Variants in UBE4B observed in about 807,000 individuals in gnomAD.
UBE4B encodes the protein ubiquitin conjugation factor E4 B.
Under a neutral mutation model 148.1 loss-of-function variants are expected in UBE4B, and 27 were observed. The observed-to-expected ratio is 0.18, with a 90% CI of 0.13 to 0.25. The LOEUF (loss-of-function observed/expected upper bound fraction) is 0.25. Among genes scored for constraint, UBE4B ranks in the 10% least tolerant of loss-of-function variants. The pLI, the probability that UBE4B is intolerant of heterozygous loss-of-function variation, is 1.00. For missense variants in UBE4B, 1,170 were observed against 1,662.4 expected, an observed-to-expected ratio of 0.70 and a Z score of 5.15; for synonymous variants, 596 against 619.3, an observed-to-expected ratio of 0.96 and a Z score of 0.56.
chr1:10,172,376 A>G (rs72864129), intron 25 of UBE4B, among the ~76,000 whole-genome samples: 10,316 of 152,258 alleles, frequency 0.068, 596 homozygotes, highest in African/African-American at 0.16. Flanking sequence ...CCTTTGAGGT[A>G]GGTTCTGTAA....
intron 5 of UBE4B, among the ~76,000 whole-genome samples, chr1:10,103,396 CCTCTTTATTTA>C (rs1454569552): frequency 7.0e-6 from 1 of 141,846 alleles, no homozygotes; most frequent in African/African-American, 2.6e-5. Flanking sequence ...AGCATTACCT[CCTCTTTATTTA>C]TTTATTTATT....
chr1:10,119,740 C>A, intron 9 of UBE4B, 127 bp downstream of exon 9: 1 of 697,000 alleles, frequency 1.4e-6, no homozygotes, highest in South Asian at 1.8e-5. Flanking sequence ...AAATGAAGGT[C>A]CCTTTCCTTC....
chr1:10,175,630 G>C (rs112515234), intron 25 of UBE4B, among the ~76,000 whole-genome samples: 9 of 151,884 alleles, frequency 5.9e-5, no homozygotes, highest in Non-Finnish European at 8.8e-5. Flanking sequence ...CAGCCTGGGC[G>C]ACAGAGCGAG....
intron 18 of UBE4B, 54 bp from the exon 19 acceptor site, chr1:10,146,909 G>C: frequency 6.3e-7 from 1 of 1,599,282 alleles, no homozygotes; most frequent in Non-Finnish European, 8.6e-7. Context: ...CAGTCCCCCT[G>C]TAGGGACTTA....
intron 11 of UBE4B, 29 bp from the exon 12 acceptor site, chr1:10,129,363 C>T: frequency 6.3e-7 from 1 of 1,592,786 alleles, no homozygotes; most frequent in Non-Finnish European, 8.6e-7. Context: ...AGATGAAATG[C>T]ATTTAAATGA....
intron 1 of UBE4B, among the ~76,000 whole-genome samples, chr1:10,061,275 T>C (rs780088491): frequency 6.6e-6 from 1 of 152,108 alleles, no homozygotes; most frequent in Admixed American, 6.6e-5. Context: ...TGTTTTTTTG[T>C]GAGACAGAGT....
chr1:10,136,124 T>C lies in UBE4B; in HGVS notation c.2224+938T>C, dbSNP rs1476282929. 2.6e-5 allele frequency among the ~76,000 whole-genome samples: 4 copies of C among 152,196 alleles called. No homozygotes were observed. The East Asian group carries it at 5.8e-4, about 22-fold the overall frequency. Reference sequence around the variant, plus strand: ...CCATTTCGAGATTTAAATATTTCTGTATTGTGTTGAAAAATGGAGATTTTA... The same window carrying C: ...CCATTTCGAGATTTAAATATTTCTGCATTGTGTTGAAAAATGGAGATTTTA... On this transcript the variant is annotated intron_variant, in intron 16 of 27. Coordinates refer to ENST00000343090, the MANE Select transcript of UBE4B (RefSeq NM_001105562.3).
chr1:10,049,684 T>C (rs1326986776), intron 1 of UBE4B, among the ~76,000 whole-genome samples: 1 of 152,096 alleles, frequency 6.6e-6, no homozygotes, highest in Admixed American at 6.6e-5. Flanking sequence ...GCAGATCACT[T>C]GAGTCCAGGA....
At chr1:10,095,649 A>C in intron 3 of UBE4B, 53 bp downstream of exon 3, 1 of 1,608,104 alleles carries the variant, frequency 6.2e-7, no homozygotes, top group Non-Finnish European at 8.5e-7. Flanking sequence ...AAAGAGAAAG[A>C]TCCATTCACT....
intron 7 of UBE4B, among the ~76,000 whole-genome samples, chr1:10,109,300 G>A (rs1042443425): frequency 1.1e-4 from 16 of 152,080 alleles, no homozygotes; most frequent in African/African-American, 3.6e-4. Context: ...CCACCGCACC[G>A]TGCTGCCACC....
intron 15 of UBE4B, among the ~76,000 whole-genome samples, chr1:10,133,236 A>T (rs1645625547): frequency 6.6e-6 from 1 of 152,178 alleles, no homozygotes; most frequent in Non-Finnish European, 1.5e-5. Context: ...TGTGATGTGT[A>T]TACTCAGAAG....
chr1:10,113,705 A>C (rs983386359), intron 7 of UBE4B, among the ~76,000 whole-genome samples: 10 of 152,282 alleles, frequency 6.6e-5, no homozygotes, highest in African/African-American at 2.2e-4. Context: ...GCACGCTCAC[A>C]TGCTGGCTGG....
chr1:10,099,177 G>A (rs951508386), intron 3 of UBE4B, among the ~76,000 whole-genome samples: 6 of 152,104 alleles, frequency 3.9e-5, no homozygotes, highest in African/African-American at 1.4e-4. Flanking sequence ...GGGAGGCAGG[G>A]GTTGCAGTGA....
intron 2 of UBE4B, among the ~76,000 whole-genome samples, chr1:10,087,234 A>G (rs915585165): frequency 3.2e-4 from 48 of 152,322 alleles, no homozygotes; most frequent in African/African-American, 1.1e-3. Flanking sequence ...ATTAAGTAAG[A>G]AGACTTAAGA....
chr1:10,178,954 T>A, intron 26 of UBE4B, 136 bp downstream of exon 26: 1 of 923,340 alleles, frequency 1.1e-6, no homozygotes, highest in African/African-American at 1.7e-5. Context: ...TGTCTTAAAT[T>A]ACATTTGCCT....
intron 2 of UBE4B, 117 bp downstream of exon 2, chr1:10,072,331 A>G: frequency 8.1e-7 from 1 of 1,240,080 alleles, no homozygotes; most frequent in African/African-American, 1.5e-5. Flanking sequence ...GCTCTTTAAA[A>G]TCCTCCAAGC....
At chr1:10,083,163 G>A (rs1489941650) in intron 2 of UBE4B, among the ~76,000 whole-genome samples, 10 of 152,152 alleles carry the variant, frequency 6.6e-5, no homozygotes, top group Admixed American at 6.6e-4. Flanking sequence ...TATATACCCA[G>A]TAATGAGATT....
At position 10,145,049 on chromosome 1, in the gene UBE4B, G is replaced by A; in HGVS notation, c.2463+10G>A. ...TAAAACTCAGCTTAAGGTTTGTATA[G>A]CTAAGTGGAATAATTATAGACCAGC... On this transcript the variant is annotated intron_variant, in intron 18 of 27. Transcript: ENST00000343090. 2 of 1,606,984 alleles carry A rather than the reference G, an allele frequency of 1.2e-6. No individual in the cohort carries two copies. The highest frequency in any genetic ancestry group is 1.1e-5 in the South Asian group (1 of 90,666).
chr1:10,170,308 A>G (rs1477693485), intron 24 of UBE4B, among the ~76,000 whole-genome samples: 1 of 152,228 alleles, frequency 6.6e-6, no homozygotes, highest in Non-Finnish European at 1.5e-5. Flanking sequence ...CTCAACAGTG[A>G]AATACAGGAG....
Sources: gnomAD v4.1 joint callset for allele counts (sites outside exome capture counted in the v4.1 genomes callset) on GRCh38, gnomAD v4.1.1 for gene constraint, MANE v1.5 for transcripts, NCBI Gene and HGNC (gene_info 2026-07-23, HGNC 2026-07-21) for gene names.